Variants in NRF1 observed in about 807,000 individuals in gnomAD.
NRF1 encodes nuclear respiratory factor 1, also known as alpha palindromic-binding protein.
Under a neutral mutation model 58.5 loss-of-function variants are expected in NRF1, and 5 were observed. The ratio of observed to expected loss-of-function variants is 0.09; its 90% CI spans 0.04 to 0.18. NRF1 has a LOEUF of 0.18. NRF1 is among the 10% of genes least tolerant of loss of function. The pLI, the probability that NRF1 is intolerant of heterozygous loss-of-function variation, is 1.00. For missense variants in NRF1, 288 were observed against 657.7 expected, an observed-to-expected ratio of 0.44 and a Z score of 6.15; for synonymous variants, 224 against 246.7, an observed-to-expected ratio of 0.91 and a Z score of 0.86.
At chr7:129,626,432 G>A (rs879494716) in intron 1 of NRF1, among the ~76,000 whole-genome samples, 1 of 152,180 alleles carries the variant, frequency 6.6e-6, no homozygotes, top group African/African-American at 2.4e-5. Flanking sequence ...CACATCATAA[G>A]ATTGGCTCAT....
chr7:129,696,581 T>C (rs1321654519), intron 5 of NRF1, among the ~76,000 whole-genome samples: 1 of 152,224 alleles, frequency 6.6e-6, no homozygotes, highest in Non-Finnish European at 1.5e-5. Context: ...GTGGGTAATT[T>C]ATGGCTTCCT....
At chr7:129,634,390 G>C (rs928988456) in intron 1 of NRF1, among the ~76,000 whole-genome samples, 2 of 151,574 alleles carry the variant, frequency 1.3e-5, no homozygotes, top group African/African-American at 4.8e-5. Context: ...TTTTTTTACT[G>C]TCTCCATAGT....
At chr7:129,753,618 CA>C (rs1804176015) in intron 10 of NRF1, among the ~76,000 whole-genome samples, 1 of 152,034 alleles carries the variant, frequency 6.6e-6, no homozygotes, top group Non-Finnish European at 1.5e-5. Context: ...AATGTATTAT[CA>C]GCTTTCCCTT....
intron 1 of NRF1, among the ~76,000 whole-genome samples, chr7:129,655,326 G>A (rs1801626696): frequency 6.6e-6 from 1 of 151,906 alleles, no homozygotes. Flanking sequence ...ACTAGTTCCA[G>A]GAGTTTTTTT....
intron 1 of NRF1, among the ~76,000 whole-genome samples, chr7:129,638,255 G>T (rs1801214507): frequency 6.6e-6 from 1 of 152,210 alleles, no homozygotes; most frequent in South Asian, 2.1e-4. Flanking sequence ...TCAGACAATA[G>T]CTCTAATTTA....
intron 5 of NRF1, among the ~76,000 whole-genome samples, chr7:129,706,480 GC>G (rs2116180402): frequency 6.6e-6 from 1 of 152,324 alleles, no homozygotes; most frequent in African/African-American, 2.4e-5. Context: ...AACTGGACTT[GC>G]AATGTGTGAC....
intron 5 of NRF1, among the ~76,000 whole-genome samples, chr7:129,700,362 G>C (rs894255896): frequency 1.3e-5 from 2 of 152,246 alleles, no homozygotes; most frequent in East Asian, 3.9e-4. Context: ...TAAAATCCTA[G>C]TGCCCCGGCC....
At chr7:129,636,616 G>A (rs964008645) in intron 1 of NRF1, among the ~76,000 whole-genome samples, 10 of 152,178 alleles carry the variant, frequency 6.6e-5, no homozygotes, top group Non-Finnish European at 1.2e-4. Flanking sequence ...TATCTTGTTA[G>A]ATTATGCTCA....
Position 129,755,116 on chromosome 7 carries a change from A to G in NRF1, c.1447A>G (p.Arg483Gly), listed in dbSNP as rs1804221346. ...GGTGGCCATGGCCCCTGTGACCACC[A>G]GGATATCAGACAGCGCAGTCACCAT... is the stretch of plus-strand genomic sequence containing the variant. ...VQVAMAPVTT[R>G]ISDSAVTMDG... Residue 483 changes from arginine to glycine, a missense_variant, in exon 11 of 11, where the codon AGG becomes GGG. Physicochemically the swap from Arg to Gly is moderately radical, Grantham distance 125. Transcript: ENST00000393232. This position sits in a 1 kb window ranked among gnomAD's most constrained non-coding sequence, Gnocchi z 5.8. 1.2e-6 allele frequency: 2 copies of G among 1,613,916 alleles called. No homozygotes were observed. Among genetic ancestry groups the G allele is most frequent in the Admixed American group, 1.7e-5 (1 of 59,980 alleles).
intron 1 of NRF1, among the ~76,000 whole-genome samples, chr7:129,647,054 G>A (rs1412965700): frequency 1.3e-5 from 2 of 151,884 alleles, no homozygotes; most frequent in Non-Finnish European, 2.9e-5. Context: ...TTTTTTCTTC[G>A]AGATGGAGTC....
rs547530212 is a variant in NRF1 at position 129,745,726 on chromosome 7, A to T, written c.1349-9292A>T. The stretch of plus-strand genomic sequence containing the variant: ...GGGAGCTCAATTTTCAGGATAATAA[A>T]CCATGGTGGTTCTGAATACTGAAAC... On this transcript the variant is annotated intron_variant, in intron 10 of 10. Transcript: ENST00000393232. Among the ~76,000 whole-genome samples, 3 of 152,252 alleles carry T rather than the reference A, an allele frequency of 2.0e-5. No homozygotes were observed. In the South Asian group the frequency reaches 6.2e-4, roughly 32 times the overall value.
chr7:129,634,940 T>C (rs1801135211), intron 1 of NRF1, among the ~76,000 whole-genome samples: 1 of 152,210 alleles, frequency 6.6e-6, no homozygotes, highest in Non-Finnish European at 1.5e-5. Context: ...TGTACTTCGC[T>C]TGTTCTTGTT....
intron 4 of NRF1, among the ~76,000 whole-genome samples, chr7:129,689,758 C>A (rs570740991): frequency 1.2e-4 from 18 of 152,352 alleles, no homozygotes; most frequent in African/African-American, 4.3e-4. Flanking sequence ...TGGAGGTTCA[C>A]TTCTGTCACC....
chr7:129,744,234 G>T (rs1032511929), intron 10 of NRF1: 8 of 1,548,942 alleles, frequency 5.2e-6, no homozygotes, highest in Non-Finnish European at 5.2e-6. Flanking sequence ...CCACAGGTGG[G>T]TTCATCTTTG....
intron 4 of NRF1, among the ~76,000 whole-genome samples, chr7:129,681,513 A>G (rs1363058383): frequency 6.6e-6 from 1 of 152,230 alleles, no homozygotes; most frequent in East Asian, 1.9e-4. Context: ...CCTAATTGTC[A>G]AGGCAAAAAA....
intron 8 of NRF1, among the ~76,000 whole-genome samples, chr7:129,712,881 G>A (rs1166261716): frequency 6.6e-6 from 1 of 152,140 alleles, no homozygotes; most frequent in African/African-American, 2.4e-5. Flanking sequence ...ACTAGAACAA[G>A]ATGACACTCC....
intron 5 of NRF1, among the ~76,000 whole-genome samples, chr7:129,703,074 C>G (rs1342027752): frequency 6.6e-6 from 1 of 151,960 alleles, no homozygotes; most frequent in Non-Finnish European, 1.5e-5. Context: ...TTTAGAGAAC[C>G]TTTTATTTTA....
chr7:129,619,490 G>GTGTGTGTA (rs1422472177), intron 1 of NRF1, among the ~76,000 whole-genome samples: 5 of 48,622 alleles, frequency 1.0e-4, no homozygotes, highest in African/African-American at 5.0e-4. Flanking sequence ...GTGTGTGTGT[G>GTGTGTGTA]TATATATATA....
At chr7:129,733,680 T>G (rs935504178) in intron 10 of NRF1, among the ~76,000 whole-genome samples, 1 of 152,166 alleles carries the variant, frequency 6.6e-6, no homozygotes, top group Non-Finnish European at 1.5e-5. Context: ...AAATTTCACT[T>G]TCTCCTTTAT....
Sources: gnomAD v4.1 joint callset for allele counts (sites outside exome capture counted in the v4.1 genomes callset) on GRCh38, gnomAD v4.1.1 for gene constraint, Gnocchi (gnomAD v3.1) non-coding constraint, MANE v1.5 for transcripts, NCBI Gene and HGNC (gene_info 2026-07-23, HGNC 2026-07-21) for gene names.